Variants in NSL1 observed in about 807,000 individuals in gnomAD.
The protein encoded by NSL1 is kinetochore-associated protein NSL1 homolog.
NSL1 carries 11 observed loss-of-function variants against 25.4 expected under a neutral mutation model. The ratio of observed to expected loss-of-function variants is 0.43; its 90% CI spans 0.27 to 0.72. The LOEUF (loss-of-function observed/expected upper bound fraction) is 0.72. NSL1 is among the 30% of genes least tolerant of loss of function. NSL1 has a pLI of 0.19. For missense variants in NSL1, 330 were observed against 342.7 expected, an observed-to-expected ratio of 0.96 and a Z score of 0.29; for synonymous variants, 118 against 120.6, an observed-to-expected ratio of 0.98 and a Z score of 0.14.
chr1:212,779,902 A>G (rs1350920928), intron 4 of NSL1, among the ~76,000 whole-genome samples: 1 of 134,408 alleles, frequency 7.4e-6, no homozygotes, highest in East Asian at 2.4e-4. Context: ...CCCCCGCCCG[A>G]ACAGCCACCC....
At chr1:212,762,341 G>A (rs1181478777) in intron 4 of NSL1, among the ~76,000 whole-genome samples, 1 of 148,664 alleles carries the variant, frequency 6.7e-6, no homozygotes, top group Non-Finnish European at 1.5e-5. Flanking sequence ...AGAAGTTTAC[G>A]AATTTGTGTT....
intron 4 of NSL1, among the ~76,000 whole-genome samples, chr1:212,771,452 G>A (rs1002908220): frequency 6.6e-6 from 1 of 152,082 alleles, no homozygotes; most frequent in African/African-American, 2.4e-5. Context: ...AGACAAAGAT[G>A]CCCACTTTCA....
Position 212,732,046 on chromosome 1 carries a change from T to A in NSL1, c.*6362A>T, listed in dbSNP as rs984446709. 9.3e-6 allele frequency: 9 copies of A among 968,052 alleles called. No individual in the cohort carries two copies. The highest frequency in any genetic ancestry group is 6.6e-5 in the Admixed American group (1 of 15,200). 60.0% of individuals were successfully genotyped at this position (968,052 alleles called of 1,614,324 possible). Reference sequence around the variant, plus strand: ...TGTCCCAATTTTTTTTTTTTTTTTTTACTGAATTCAGATTCAGGGTTTTTA... The same window carrying A: ...TGTCCCAATTTTTTTTTTTTTTTTTAACTGAATTCAGATTCAGGGTTTTTA... On this transcript the variant is annotated 3_prime_UTR_variant, in exon 6 of 6. Coordinates refer to ENST00000366977, the MANE Select transcript of NSL1 (RefSeq NM_015471.4).
intron 4 of NSL1, among the ~76,000 whole-genome samples, chr1:212,751,956 G>A (rs1351448946): frequency 6.6e-6 from 1 of 152,096 alleles, no homozygotes; most frequent in Non-Finnish European, 1.5e-5. Flanking sequence ...TGTCTCACAT[G>A]CAGATGGCTG....
intron 4 of NSL1, among the ~76,000 whole-genome samples, chr1:212,780,016 A>G (rs1264289372): frequency 3.9e-5 from 6 of 152,020 alleles, no homozygotes; most frequent in Non-Finnish European, 5.9e-5. Flanking sequence ...CCAACAGCTC[A>G]TTGAGAACGG....
At position 212,737,623 on chromosome 1, in the gene NSL1, G is replaced by T; in HGVS notation, c.*785C>A. The stretch of plus-strand genomic sequence containing the variant: ...AATAACACAATGACACTTTGCCAGT[G>T]TATTAATCTGATATATATTTTGAAC... On this transcript the variant is annotated 3_prime_UTR_variant, in exon 6 of 6. Transcript: ENST00000366977. 2 of 944,488 alleles carry T rather than the reference G, an allele frequency of 2.1e-6. No individual in the cohort carries two copies. The highest frequency in any genetic ancestry group is 2.5e-6 in the Non-Finnish European group (2 of 792,568). The allele number at this position is 944,488 out of a possible 1,614,324, so 58.5% of individuals were successfully genotyped here.
At chr1:212,779,740 T>G (rs1571915662) in intron 4 of NSL1, among the ~76,000 whole-genome samples, 1 of 76,760 alleles carries the variant, frequency 1.3e-5, no homozygotes, top group African/African-American at 4.6e-5. Context: ...GGTGGGGGGG[T>G]CAGCCCCCCG....
chr1:212,757,214 G>A (rs1659357113), intron 4 of NSL1, among the ~76,000 whole-genome samples: 1 of 152,120 alleles, frequency 6.6e-6, no homozygotes, highest in African/African-American at 2.4e-5. Flanking sequence ...AGGGTGAGAT[G>A]GTAAGTGAAC....
In NSL1 at chr1:212,731,322, G is replaced by A. The variant is rs181289813; in HGVS notation, c.*7086C>T. On this transcript the variant is annotated 3_prime_UTR_variant, in exon 6 of 6. Coordinates refer to ENST00000366977, the MANE Select transcript of NSL1 (RefSeq NM_015471.4). ...TGTAATCCCAGCACTTTGGGAAGCT[G>A]AGGCAGGAGGATGGCTTGAGCCCAG... The A allele has an allele frequency of 2.8e-4, 275 of 981,636 alleles. No individual in the cohort carries two copies. Among genetic ancestry groups the A allele is most frequent in the Middle Eastern group, 1.0e-3 (2 of 1,908 alleles). 60.8% of individuals were successfully genotyped at this position (981,636 alleles called of 1,614,324 possible).
chr1:212,737,219 A>G lies in NSL1; in HGVS notation c.*1189T>C. ...CACATAGCTGTGTACAAATATACAGATCTCAAACTGTAACACTGAAACACA... is the reference window on the plus strand; with the variant it reads ...CACATAGCTGTGTACAAATATACAGGTCTCAAACTGTAACACTGAAACACA... On this transcript the variant is annotated 3_prime_UTR_variant, in exon 6 of 6. Coordinates refer to ENST00000366977, the MANE Select transcript of NSL1 (RefSeq NM_015471.4). 5 of 985,288 alleles carry G rather than the reference A, an allele frequency of 5.1e-6. No homozygotes were observed. The highest frequency in any genetic ancestry group is 6.0e-6 in the Non-Finnish European group (5 of 829,784). The allele number at this position is 985,288 out of a possible 1,614,324, so 61.0% of individuals were successfully genotyped here.
chr1:212,758,841 A>G (rs1012459519), intron 4 of NSL1, among the ~76,000 whole-genome samples: 3 of 152,248 alleles, frequency 2.0e-5, no homozygotes, highest in East Asian at 3.8e-4. Flanking sequence ...ACCTTGAAAA[A>G]GAAGAACAAG....
chr1:212,783,009 A>G (rs1182619696), intron 3 of NSL1, among the ~76,000 whole-genome samples: 1 of 152,138 alleles, frequency 6.6e-6, no homozygotes, highest in East Asian at 1.9e-4. Flanking sequence ...GAAAACAAGA[A>G]GAAAAAAAGG....
rs1324736048 is a variant in NSL1 at position 212,734,633 on chromosome 1, C to T, written c.*3775G>A. 3.9e-5 allele frequency among the ~76,000 whole-genome samples: 6 copies of T among 152,180 alleles called. No homozygotes were observed. Among genetic ancestry groups the T allele is most frequent in the Non-Finnish European group, 4.4e-5 (3 of 68,030 alleles). ...ATACACAGGATGTATTCTCTTGTGC[C>T]TGGCTTTGCTTCTTTTATTCAATAT... On this transcript the variant is annotated 3_prime_UTR_variant, in exon 6 of 6. Coordinates refer to ENST00000366977, the MANE Select transcript of NSL1 (RefSeq NM_015471.4).
At position 212,726,681 on chromosome 1, in the gene NSL1, C is replaced by G. The variant is rs897978496; in HGVS notation, c.*11727G>C. On this transcript the variant is annotated 3_prime_UTR_variant, in exon 6 of 6. Transcript: ENST00000366977. ...CAGCTCCCAGCGGCACTGTGTTACCCCTGAGGTTGGCTCCTCTTCAATGTC... is the reference window on the plus strand; with the variant it reads ...CAGCTCCCAGCGGCACTGTGTTACCGCTGAGGTTGGCTCCTCTTCAATGTC... The G allele has an allele frequency of 1.3e-5, 2 of 154,952 alleles. No homozygotes were observed. Among genetic ancestry groups the G allele is most frequent in the Non-Finnish European group, 2.9e-5 (2 of 69,986 alleles). 9.6% of individuals were successfully genotyped at this position (154,952 alleles called of 1,614,324 possible). A position where few individuals can be genotyped will look rare whatever the true frequency, so the allele number is the denominator to read the frequency against.
chr1:212,753,949 A>T (rs924786401), intron 4 of NSL1, among the ~76,000 whole-genome samples: 2 of 152,200 alleles, frequency 1.3e-5, no homozygotes, highest in Non-Finnish European at 2.9e-5. Flanking sequence ...GGAAGATGTC[A>T]AACTTGGGCA....
intron 4 of NSL1, chr1:212,781,892 A>C (rs1660746693): frequency 6.8e-6 from 2 of 294,914 alleles, no homozygotes; most frequent in Admixed American, 4.0e-5. Flanking sequence ...GATACATATA[A>C]ATGGAAACAA....
chr1:212,772,463 C>T (rs12722742), intron 4 of NSL1, among the ~76,000 whole-genome samples: 44,784 of 151,688 alleles, frequency 0.3, 8,377 homozygotes, highest in Non-Finnish European at 0.4. Flanking sequence ...AGTTCAAGAC[C>T]AGCCTACCTG....
chr1:212,741,859 A>G (rs1377233970), intron 4 of NSL1, among the ~76,000 whole-genome samples: 1 of 152,140 alleles, frequency 6.6e-6, no homozygotes, highest in Non-Finnish European at 1.5e-5. Flanking sequence ...AATTAGCTCA[A>G]ACTTTTCCTG....
In NSL1 at chr1:212,731,454, G is replaced by A; in HGVS notation, c.*6954C>T. The A allele has an allele frequency of 1.0e-6, 1 of 985,312 alleles. No homozygotes were observed. The highest frequency in any genetic ancestry group is 1.2e-6 in the Non-Finnish European group (1 of 829,898). The allele number at this position is 985,312 out of a possible 1,614,324, so 61.0% of individuals were successfully genotyped here. A position where few individuals can be genotyped will look rare whatever the true frequency, so the allele number is the denominator to read the frequency against. The stretch of plus-strand genomic sequence containing the variant: ...GTTTTGAAACCCTGAGAAAGCTTCT[G>A]AAACCCTGAAAAACTGAAACCCCGA... On this transcript the variant is annotated 3_prime_UTR_variant, in exon 6 of 6. Transcript: ENST00000366977.
Sources: allele counts gnomAD v4.1 joint callset (sites outside exome capture counted in the v4.1 genomes callset), GRCh38; gene constraint gnomAD v4.1.1; transcripts MANE v1.5; gene names NCBI Gene and HGNC (gene_info 2026-07-23, HGNC 2026-07-21).